ARHGAP42: variants seen among roughly 807,000 people sequenced by gnomAD.
ARHGAP42 encodes the protein Rho GTPase activating protein 42, also known as rho GTPase-activating protein 42.
ARHGAP42 carries 63 observed loss-of-function variants against 125.0 expected under a neutral mutation model. The ratio of observed to expected loss-of-function variants is 0.50; its 90% CI spans 0.41 to 0.62. The LOEUF is 0.62. ARHGAP42 is among the 20% of genes least tolerant of loss of function. The pLI is 0.00. For synonymous variants in ARHGAP42, 339 were observed against 351.0 expected (o/e 0.97, Z 0.38); for missense variants, 766 against 1,024.2 (o/e 0.75, Z 3.44).
chr11:100,691,106 A>G (rs1861182160), intron 1 of ARHGAP42, among the ~76,000 whole-genome samples: 1 of 152,184 alleles, frequency 6.6e-6, no homozygotes, highest in East Asian at 1.9e-4. Context: ...TTGTTTGCTC[A>G]TTTTGTTATA....
rs77234428 is a variant in ARHGAP42 at position 100,754,104 on chromosome 11, A to G, written c.155-16239A>G. Among the ~76,000 whole-genome samples the G allele has an allele frequency of 3.3e-5, 5 of 152,356 alleles. No homozygotes were observed. In the East Asian group the frequency reaches 9.6e-4, roughly 29 times the overall value. On this transcript the variant is annotated intron_variant, in intron 1 of 23. Coordinates refer to ENST00000298815, the MANE Select transcript of ARHGAP42 (RefSeq NM_152432.4). The stretch of plus-strand genomic sequence containing the variant: ...TTTAACTTTAATTCCCATTAGTGCT[A>G]CTTATAACTACATGATAAAATGGGT...
intron 2 of ARHGAP42, among the ~76,000 whole-genome samples, chr11:100,775,848 C>T (rs1021515808): frequency 5.9e-5 from 9 of 151,940 alleles, no homozygotes; most frequent in Non-Finnish European, 1.3e-4. Flanking sequence ...ATGAGAAGAC[C>T]TCTAGGTTTT....
chr11:100,949,858 TA>T, intron 11 of ARHGAP42, 58 bp from the exon 12 acceptor site: 1 of 1,157,676 alleles, frequency 8.6e-7, no homozygotes, highest in Non-Finnish European at 1.2e-6. Flanking sequence ...ATCACCTTGC[TA>T]ATCTTTTGTG....
At chr11:100,740,228 T>TA (rs1356599790) in intron 1 of ARHGAP42, among the ~76,000 whole-genome samples, 1 of 152,124 alleles carries the variant, frequency 6.6e-6, no homozygotes. Context: ...ATAAAACTTT[T>TA]AAAAAAGACC....
At chr11:100,940,185 C>T (rs1245771763) in intron 8 of ARHGAP42, among the ~76,000 whole-genome samples, 4 of 152,228 alleles carry the variant, frequency 2.6e-5, no homozygotes, top group East Asian at 3.9e-4. Context: ...GTATTAAACT[C>T]GATACCGAGG....
At chr11:100,859,113 A>C (rs1591244288) in intron 3 of ARHGAP42, among the ~76,000 whole-genome samples, 1 of 152,196 alleles carries the variant, frequency 6.6e-6, no homozygotes, top group East Asian at 1.9e-4. Context: ...ATAGGGGGAA[A>C]AATAAGCCTA....
chr11:100,770,444 T>G lies in ARHGAP42; in HGVS notation c.250+6T>G. 2 of 1,528,924 alleles carry G rather than the reference T, an allele frequency of 1.3e-6. No homozygotes were observed. Among genetic ancestry groups the G allele is most frequent in the Non-Finnish European group, 1.8e-6 (2 of 1,129,846 alleles). 94.7% of individuals were successfully genotyped at this position (1,528,924 alleles called of 1,614,324 possible). ...AGATGATGAAATTAGTATTGGTAAG[T>G]ACTACTGTTTTAGAAAGTTCTATTA... On this transcript the variant is annotated splice_donor_region_variant and intron_variant, in intron 2 of 23. Coordinates refer to ENST00000298815, the MANE Select transcript of ARHGAP42 (RefSeq NM_152432.4).
Position 100,687,498 on chromosome 11 carries a change from A to C in ARHGAP42, c.-181A>C, listed in dbSNP as rs558683097. ...GCTCGCCTAGCCTCGGGGGAGGAAG[A>C]CTGAGCCCGGCGCAGGCGGCGCGGC... On this transcript the variant is annotated 5_prime_UTR_variant, in exon 1 of 24. Coordinates refer to ENST00000298815, the MANE Select transcript of ARHGAP42 (RefSeq NM_152432.4). 6.5e-6 allele frequency: 2 copies of C among 310,074 alleles called. No homozygotes were observed. Among genetic ancestry groups the C allele is most frequent in the South Asian group, 1.4e-4 (1 of 7,006 alleles). 19.2% of individuals were successfully genotyped at this position (310,074 alleles called of 1,614,324 possible). A position where few individuals can be genotyped will look rare whatever the true frequency, so the allele number is the denominator to read the frequency against.
chr11:100,762,300 C>T (rs1862722659), intron 1 of ARHGAP42, among the ~76,000 whole-genome samples: 1 of 152,164 alleles, frequency 6.6e-6, no homozygotes, highest in South Asian at 2.1e-4. Flanking sequence ...CAGCACATTA[C>T]TGTAGTGACG....
At chr11:100,881,409 G>T (rs888572963) in intron 4 of ARHGAP42, among the ~76,000 whole-genome samples, 1 of 152,072 alleles carries the variant, frequency 6.6e-6, no homozygotes, top group Non-Finnish European at 1.5e-5. Flanking sequence ...TTTATTTCTG[G>T]GTTCCCTATT....
intron 4 of ARHGAP42, among the ~76,000 whole-genome samples, chr11:100,893,439 G>T (rs1259592666): frequency 4.0e-5 from 6 of 151,856 alleles, no homozygotes; most frequent in Non-Finnish European, 8.8e-5. Flanking sequence ...ATTAAGTTAG[G>T]ATAAAATTTT....
At chr11:100,701,457 T>C (rs1341407774) in intron 1 of ARHGAP42, among the ~76,000 whole-genome samples, 1 of 152,238 alleles carries the variant, frequency 6.6e-6, no homozygotes, top group Non-Finnish European at 1.5e-5. Context: ...TTCATCCACA[T>C]TGAAAGTCTC....
intron 4 of ARHGAP42, among the ~76,000 whole-genome samples, chr11:100,899,665 C>A (rs1255394255): frequency 4.5e-5 from 6 of 134,434 alleles, no homozygotes; most frequent in African/African-American, 1.6e-4. Flanking sequence ...GATTGTAGTC[C>A]CTGCTTTTTG....
intron 1 of ARHGAP42, among the ~76,000 whole-genome samples, chr11:100,727,864 C>G (rs1861887939): frequency 6.6e-6 from 1 of 152,204 alleles, no homozygotes. Flanking sequence ...GTGGGAACCT[C>G]TGATTTGTAG....
In ARHGAP42 at chr11:100,774,823, G is replaced by A. The variant is rs1464114383; in HGVS notation, c.250+4385G>A. On this transcript the variant is annotated intron_variant, in intron 2 of 23. Transcript: ENST00000298815. ...GTCTGGCCTGTACATCTGTCCCAAC[G>A]CTTCACTGGTTCCCTCTGCCTCCAC... Among the ~76,000 whole-genome samples, 6 of 152,288 alleles carry A rather than the reference G, an allele frequency of 3.9e-5. No individual in the cohort carries two copies. In the East Asian group the frequency reaches 5.8e-4, roughly 15 times the overall value.
intron 3 of ARHGAP42, chr11:100,840,532 G>A (rs927497172): frequency 4.6e-5 from 7 of 152,046 alleles, no homozygotes; most frequent in Non-Finnish European, 7.4e-5. Context: ...TTTCCTTTAC[G>A]TTTTTTGACC....
Position 100,687,374 on chromosome 11 carries a change from G to A in ARHGAP42, c.-305G>A, listed in dbSNP as rs1242708144. Among the ~76,000 whole-genome samples, 2 of 152,020 alleles carry A rather than the reference G, an allele frequency of 1.3e-5. No homozygotes were observed. The highest frequency in any genetic ancestry group is 2.9e-5 in the Non-Finnish European group (2 of 67,978). On this transcript the variant is annotated 5_prime_UTR_variant, in exon 1 of 24. Coordinates refer to ENST00000298815, the MANE Select transcript of ARHGAP42 (RefSeq NM_152432.4). Reference sequence around the variant, plus strand: ...TGAGAGAAACTTTCCTGCTCCGGCCGCGGCCCGGAGCCTCGCCGCCCCCGC... The same window carrying A: ...TGAGAGAAACTTTCCTGCTCCGGCCACGGCCCGGAGCCTCGCCGCCCCCGC...
chr11:100,976,813 A>G lies in ARHGAP42; in HGVS notation c.2237-2A>G. ...GCCTATTTTCTTGGGCTTTCTTTTT[A>G]GGAAACAAGAGCTACAGTGGATCTA... On this transcript the variant is annotated splice_acceptor_variant, in intron 20 of 23. Transcript: ENST00000298815. LOFTEE classifies it high-confidence loss of function. 6.5e-7 allele frequency: 1 copy of G among 1,549,444 alleles called. No homozygotes were observed. The highest frequency in any genetic ancestry group is 8.7e-7 in the Non-Finnish European group (1 of 1,146,464).
chr11:100,915,972 G>A (rs1427326687), intron 5 of ARHGAP42, among the ~76,000 whole-genome samples: 2 of 152,134 alleles, frequency 1.3e-5, no homozygotes, highest in African/African-American at 2.4e-5. Context: ...AACAGCTCTG[G>A]TCCTTCTGTC....
Sources: gnomAD v4.1 joint callset for allele counts (sites outside exome capture counted in the v4.1 genomes callset) on GRCh38, gnomAD v4.1.1 for gene constraint, MANE v1.5 for transcripts, NCBI Gene and HGNC (gene_info 2026-07-23, HGNC 2026-07-21) for gene names.